Variants in SLC22A23 observed in about 807,000 individuals in gnomAD.
SLC22A23 encodes solute carrier family 22 member 23.
A neutral mutation model predicts 61.0 loss-of-function variants in SLC22A23; 26 were observed. The ratio of observed to expected loss-of-function variants is 0.43; its 90% CI spans 0.31 to 0.59. SLC22A23 has a LOEUF of 0.59. Among genes scored for constraint, SLC22A23 ranks in the 20% least tolerant of loss-of-function variants. SLC22A23 has a pLI of 0.11. For missense variants in SLC22A23, 796 were observed against 934.7 expected (o/e 0.85, Z 1.94); for synonymous variants, 430 against 413.9 (o/e 1.04, Z -0.47).
rs1772321589 is a variant in SLC22A23, at chr6:3,454,948, G to A, written c.654+958C>T. ...ACAGCCCAGAATGGGTAGCGGGTGG[G>A]GTGGAGGAGAGTCTGTATTTACTTT... On this transcript the variant is annotated intron_variant, in intron 1 of 9. Transcript: ENST00000406686. The surrounding 1 kb of genome is among the most constrained non-coding windows in gnomAD (Gnocchi z 4.3). 6.6e-6 allele frequency among the ~76,000 whole-genome samples: 1 copy of A among 152,152 alleles called. No individual in the cohort carries two copies. Among genetic ancestry groups the A allele is most frequent in the South Asian group, 2.1e-4 (1 of 4,816 alleles).
At chr6:3,314,950 C>T (rs892705648) in intron 4 of SLC22A23, among the ~76,000 whole-genome samples, 2 of 152,120 alleles carry the variant, frequency 1.3e-5, no homozygotes, top group African/African-American at 4.8e-5. Flanking sequence ...TCCTTATTTC[C>T]CATACTGCTT....
At chr6:3,323,192 T>C (rs1471235214) in intron 4 of SLC22A23, 7 of 454,172 alleles carry the variant, frequency 1.5e-5, no homozygotes, top group Admixed American at 4.7e-5. Context: ...TAGACTGATA[T>C]TGAGCAGGGG....
At chr6:3,283,520 C>G (rs949177938) in intron 9 of SLC22A23, 16 of 350,200 alleles carry the variant, frequency 4.6e-5, no homozygotes, top group Non-Finnish European at 7.8e-5. Context: ...GTTGGCAGCA[C>G]AGGTTCTGGT....
intron 2 of SLC22A23, among the ~76,000 whole-genome samples, chr6:3,411,369 A>G (rs1349661591): frequency 6.6e-6 from 1 of 152,222 alleles, no homozygotes; most frequent in Non-Finnish European, 1.5e-5. Flanking sequence ...AGGGGCTCGA[A>G]CTGTCCTAGA....
intron 3 of SLC22A23, among the ~76,000 whole-genome samples, chr6:3,343,759 G>A (rs1764276668): frequency 6.6e-6 from 1 of 152,156 alleles, no homozygotes; most frequent in South Asian, 2.1e-4. Flanking sequence ...CTGTATTTAA[G>A]AGAAGAGCCA....
rs1348829975 is a variant in SLC22A23 at position 3,342,861 on chromosome 6, C to A, written c.914-18859G>T. 6.6e-6 allele frequency among the ~76,000 whole-genome samples: 1 copy of A among 151,940 alleles called. No homozygotes were observed. Among genetic ancestry groups the A allele is most frequent in the Non-Finnish European group, 1.5e-5 (1 of 67,980 alleles). On this transcript the variant is annotated intron_variant, in intron 3 of 9. Coordinates refer to ENST00000406686, the MANE Select transcript of SLC22A23 (RefSeq NM_015482.2). This position sits in a 1 kb window ranked among gnomAD's most constrained non-coding sequence, Gnocchi z 4.0. ...ACATATGTATACCGGCAGGAGAGTGCAAAAAATGGCTCAGAGAAGAGGTTG... is the reference window on the plus strand; with the variant it reads ...ACATATGTATACCGGCAGGAGAGTGAAAAAAATGGCTCAGAGAAGAGGTTG...
chr6:3,410,188 G>T lies in SLC22A23; in HGVS notation c.913C>A (p.Arg305=). The part of the protein sequence containing the change: ...AGIILTLYAL[R]IELCPPGKRF... Reference sequence around the variant, plus strand: ...ACTAGTCGTGAAGGCTCCTACTTACGTAAAGCATACAAGGTGAGAATGATT... The same window carrying T: ...ACTAGTCGTGAAGGCTCCTACTTACTTAAAGCATACAAGGTGAGAATGATT... Residue 305 remains arginine, a splice_region_variant and synonymous_variant, in exon 3 of 10, where the codon CGA becomes AGA. Coordinates refer to ENST00000406686, the MANE Select transcript of SLC22A23 (RefSeq NM_015482.2). This position sits in a 1 kb window ranked among gnomAD's most constrained non-coding sequence, Gnocchi z 5.0. 2 of 1,607,378 alleles carry T rather than the reference G, an allele frequency of 1.2e-6. No individual in the cohort carries two copies. Among genetic ancestry groups the T allele is most frequent in the Non-Finnish European group, 8.5e-7 (1 of 1,177,848 alleles).
intron 1 of SLC22A23, among the ~76,000 whole-genome samples, chr6:3,455,354 G>C (rs1303576851): frequency 2.0e-5 from 3 of 152,206 alleles, no homozygotes; most frequent in African/African-American, 7.2e-5. Flanking sequence ...AGAAAACATG[G>C]GAGGAGACAC....
At chr6:3,421,803 T>C (rs1469540998) in intron 1 of SLC22A23, among the ~76,000 whole-genome samples, 1 of 152,180 alleles carries the variant, frequency 6.6e-6, no homozygotes, top group African/African-American at 2.4e-5. Context: ...AAAAACCTTT[T>C]CGCCTTCTCG....
rs371804782 is a variant in SLC22A23, at chr6:3,417,313, A to AC, written c.655-1459_655-1458insG. Reference sequence around the variant, plus strand: ...GGAGGGTGACTTCTTTTTCTACCCCATCTGCTTCCAGAGTGATTTGCAACG... The same window carrying AC: ...GGAGGGTGACTTCTTTTTCTACCCCACTCTGCTTCCAGAGTGATTTGCAACG... On this transcript the variant is annotated intron_variant, in intron 1 of 9. Coordinates refer to ENST00000406686, the MANE Select transcript of SLC22A23 (RefSeq NM_015482.2). 3.8e-3 allele frequency among the ~76,000 whole-genome samples: 586 copies of AC among 152,238 alleles called. 2 individuals carry two copies. The highest frequency in any genetic ancestry group is 0.014 in the African/African-American group (564 of 41,520).
In SLC22A23 at chr6:3,431,077, A is replaced by G. The variant is rs547103964; in HGVS notation, c.655-15222T>C. ...GCAAAACTCCGTCTCAAAAAAAAAA[A>G]AAAAAAAAGAAAGAAAGAAAAAGAA... On this transcript the variant is annotated intron_variant, in intron 1 of 9. Transcript: ENST00000406686. Among the ~76,000 whole-genome samples the G allele has an allele frequency of 4.0e-5, 6 of 151,852 alleles. No homozygotes were observed. The South Asian group carries it at 1.2e-3, about 32-fold the overall frequency.
rs768469063 is a variant in SLC22A23, at chr6:3,287,094, G to A, written c.1314-3C>T. 3.2e-5 allele frequency: 51 copies of A among 1,613,768 alleles called. No homozygotes were observed. The East Asian group carries it at 7.1e-4, about 23-fold the overall frequency. On this transcript the variant is annotated splice_polypyrimidine_tract_variant and splice_region_variant and intron_variant, in intron 6 of 9. Coordinates refer to ENST00000406686, the MANE Select transcript of SLC22A23 (RefSeq NM_015482.2). The stretch of plus-strand genomic sequence containing the variant: ...GGTGGATCCCGTACCCCGTCAGCCT[G>A]TGGAGACATACCGAGCGGCAGTGGG...
At chr6:3,355,109 A>T (rs1764989338) in intron 3 of SLC22A23, among the ~76,000 whole-genome samples, 1 of 151,912 alleles carries the variant, frequency 6.6e-6, no homozygotes, top group South Asian at 2.1e-4. Flanking sequence ...CAGTATTCAA[A>T]TCCTTATCTT....
At chr6:3,384,038 G>A (rs1034560486) in intron 3 of SLC22A23, among the ~76,000 whole-genome samples, 3 of 152,310 alleles carry the variant, frequency 2.0e-5, no homozygotes, top group Non-Finnish European at 2.9e-5. Flanking sequence ...CAGTAATGAT[G>A]TACACCCCTA....
Position 3,289,817 on chromosome 6 carries a change from C to A in SLC22A23, c.1260G>T (p.Lys420Asn). ...TCCACAGGTTCCGTGTCCCCACCAC[C>A]TTCACGATGCAGACCTTCTTGGGCC... ...SRRPKKVCIV[K>N]VVGTRNLWKN... is the part of the protein sequence containing the mutation. Residue 420 changes from lysine to asparagine, a missense_variant, in exon 6 of 10, where the codon AAG becomes AAT. Lys to Asn is a moderately conservative substitution (Grantham distance 94). Coordinates refer to ENST00000406686, the MANE Select transcript of SLC22A23 (RefSeq NM_015482.2). 6.2e-7 allele frequency: 1 copy of A among 1,614,036 alleles called. No homozygotes were observed. The highest frequency in any genetic ancestry group is 8.5e-7 in the Non-Finnish European group (1 of 1,180,022).
At chr6:3,377,998 C>A (rs901034029) in intron 3 of SLC22A23, 1 of 152,202 alleles carries the variant, frequency 6.6e-6, no homozygotes, top group African/African-American at 2.4e-5. Flanking sequence ...CTCCAGGGAA[C>A]AGGACACCCA....
intron 3 of SLC22A23, among the ~76,000 whole-genome samples, chr6:3,394,218 T>C (rs1444939977): frequency 6.6e-6 from 1 of 152,148 alleles, no homozygotes; most frequent in African/African-American, 2.4e-5. Flanking sequence ...CTCTGGGTGG[T>C]GCATTCTGTA....
chr6:3,338,478 C>T (rs1364408711), intron 3 of SLC22A23, among the ~76,000 whole-genome samples: 1 of 152,228 alleles, frequency 6.6e-6, no homozygotes, highest in South Asian at 2.1e-4. Flanking sequence ...AGGCGCATGC[C>T]GCCATGCCCA....
intron 1 of SLC22A23, among the ~76,000 whole-genome samples, chr6:3,425,705 G>C (rs991534819): frequency 1.2e-4 from 19 of 152,186 alleles, no homozygotes; most frequent in African/African-American, 4.6e-4. Context: ...CAGCTGCTTT[G>C]ACTAAGCACC....
Sources: allele counts gnomAD v4.1 joint callset (sites outside exome capture counted in the v4.1 genomes callset), GRCh38; gene constraint gnomAD v4.1.1; non-coding constraint Gnocchi (gnomAD v3.1); transcripts MANE v1.5; gene names NCBI Gene and HGNC (gene_info 2026-07-23, HGNC 2026-07-21).